VPS33A: variants seen among roughly 807,000 people sequenced by gnomAD.
The protein encoded by VPS33A is VPS33A core subunit of CORVET and HOPS complexes.
In VPS33A, 32 loss-of-function variants were observed where a neutral mutation model predicts 71.8. The ratio of observed to expected loss-of-function variants is 0.45; its 90% CI spans 0.34 to 0.60. The LOEUF (loss-of-function observed/expected upper bound fraction) is 0.60, where lower values mean the gene tolerates loss of function less well. Among genes scored for constraint, VPS33A ranks in the 20% least tolerant of loss-of-function variants. VPS33A has a pLI of 0.02. For synonymous variants in VPS33A, 311 were observed against 292.7 expected, an observed-to-expected ratio of 1.06 and a Z score of -0.64; for missense variants, 625 against 748.5, an observed-to-expected ratio of 0.84 and a Z score of 1.92.
intron 10 of VPS33A, among the ~76,000 whole-genome samples, chr12:122,236,683 T>C (rs1223671881): frequency 6.6e-6 from 1 of 152,230 alleles, no homozygotes; most frequent in Non-Finnish European, 1.5e-5. Flanking sequence ...AAATACTTTC[T>C]ATGAGCTGGG....
chr12:122,240,754 T>G (rs2136128635), intron 8 of VPS33A, among the ~76,000 whole-genome samples: 1 of 152,366 alleles, frequency 6.6e-6, no homozygotes, highest in Non-Finnish European at 1.5e-5. Flanking sequence ...TTCTGAGCTC[T>G]TTCAAAATAC....
At chr12:122,247,949 T>G (rs1049012245) in intron 6 of VPS33A, 1 of 152,102 alleles carries the variant, frequency 6.6e-6, no homozygotes, top group Admixed American at 6.6e-5. Flanking sequence ...CGGGCTGGAG[T>G]GCAGCCGTGC....
chr12:122,242,300 T>C (rs536168421), intron 8 of VPS33A, 82 bp downstream of exon 8: 15 of 1,531,322 alleles, frequency 9.8e-6, no homozygotes, highest in East Asian at 2.3e-5. Context: ...CGAAGAGGCA[T>C]TGTGGTGTTG....
intron 11 of VPS33A, among the ~76,000 whole-genome samples, chr12:122,234,817 T>C (rs143138880): frequency 2.8e-4 from 42 of 152,160 alleles, no homozygotes; most frequent in Non-Finnish European, 5.1e-4. Context: ...CTGCTGGAGG[T>C]TGACCATACC....
In VPS33A at chr12:122,238,747, ATACATATACATT is replaced by A. The variant is rs781128022; in HGVS notation, c.1165-35_1165-24del. The A allele has an allele frequency of 5.0e-6, 8 of 1,600,034 alleles. No individual in the cohort carries two copies. The Admixed American group carries it at 5.1e-5, about 10-fold the overall frequency. On this transcript the variant is annotated intron_variant, in intron 9 of 12. Coordinates refer to ENST00000267199, the MANE Select transcript of VPS33A (RefSeq NM_022916.6). ...GACCTGGAAATAAAGTAGCATACATATACATATACATTTACATATACATACACACACACACAC... is the reference window on the plus strand; with the variant it reads ...GACCTGGAAATAAAGTAGCATACATATACATATACATACACACACACACAC...
intron 4 of VPS33A, among the ~76,000 whole-genome samples, chr12:122,256,328 G>C (rs1420346860): frequency 6.6e-6 from 1 of 151,822 alleles, no homozygotes; most frequent in Non-Finnish European, 1.5e-5. Context: ...AGTCCCAGCA[G>C]TTTGGGAGGC....
chr12:122,240,269 A>G (rs1954695823), intron 8 of VPS33A, among the ~76,000 whole-genome samples: 2 of 152,156 alleles, frequency 1.3e-5, no homozygotes, highest in African/African-American at 4.8e-5. Context: ...CGGAGGTTAC[A>G]GTGAGCCAAG....
intron 8 of VPS33A, 44 bp from the exon 9 acceptor site, chr12:122,239,989 A>C (rs766498652): frequency 1.4e-6 from 2 of 1,435,076 alleles, no homozygotes; most frequent in African/African-American, 1.4e-5. Context: ...ATTAAATGTT[A>C]ATTTACTTGA....
Position 122,231,939 on chromosome 12 carries a change from C to A in VPS33A, c.*307G>T, listed in dbSNP as rs1228427241. ...GGGTGTGGTGGTGCATGCCTGTAGTCCCAGCTACTCAGGAGGCTGAGGCAG... is the reference window on the plus strand; with the variant it reads ...GGGTGTGGTGGTGCATGCCTGTAGTACCAGCTACTCAGGAGGCTGAGGCAG... On this transcript the variant is annotated 3_prime_UTR_variant, in exon 13 of 13. Coordinates refer to ENST00000267199, the MANE Select transcript of VPS33A (RefSeq NM_022916.6). The A allele has an allele frequency of 2.5e-6, 1 of 397,654 alleles. No individual in the cohort carries two copies. The highest frequency in any genetic ancestry group is 4.4e-6 in the Non-Finnish European group (1 of 226,432). 24.6% of individuals were successfully genotyped at this position (397,654 alleles called of 1,614,324 possible).
intron 4 of VPS33A, among the ~76,000 whole-genome samples, chr12:122,258,539 T>C (rs1284396409): frequency 6.6e-6 from 1 of 152,026 alleles, no homozygotes; most frequent in Non-Finnish European, 1.5e-5. Flanking sequence ...ATTTTAAAAA[T>C]GGGCAAGTGA....
intron 4 of VPS33A, among the ~76,000 whole-genome samples, chr12:122,254,298 C>A (rs1260173771): frequency 6.6e-6 from 1 of 152,100 alleles, no homozygotes; most frequent in Non-Finnish European, 1.5e-5. Flanking sequence ...TCGGGGCTGA[C>A]TTTAACATTA....
rs532520517 is a variant in VPS33A, at chr12:122,260,419, C to T, written c.483+842G>A. 5.3e-5 allele frequency among the ~76,000 whole-genome samples: 8 copies of T among 152,094 alleles called. No individual in the cohort carries two copies. The South Asian group carries it at 1.7e-3, about 32-fold the overall frequency. On this transcript the variant is annotated intron_variant, in intron 4 of 12. Coordinates refer to ENST00000267199, the MANE Select transcript of VPS33A (RefSeq NM_022916.6). ...GGTTCAAGTGATTCTCCTGCCTCAGCCTCCTGAATAGCTGGGACCACAGGG... is the reference window on the plus strand; with the variant it reads ...GGTTCAAGTGATTCTCCTGCCTCAGTCTCCTGAATAGCTGGGACCACAGGG...
At chr12:122,243,007 C>A (rs1179785615) in intron 7 of VPS33A, among the ~76,000 whole-genome samples, 1 of 152,088 alleles carries the variant, frequency 6.6e-6, no homozygotes, top group Non-Finnish European at 1.5e-5. Context: ...GGTCATGGTG[C>A]CTGTCTCCTG....
intron 7 of VPS33A, among the ~76,000 whole-genome samples, chr12:122,242,834 G>A (rs1283862125): frequency 1.3e-5 from 2 of 152,154 alleles, no homozygotes; most frequent in Admixed American, 1.3e-4. Flanking sequence ...GATTACAGGC[G>A]TGAGCCACCA....
rs373143895 is a variant in VPS33A, at chr12:122,235,853, C to G, written c.1373G>C (p.Gly458Ala). ...EKAGLLKPQTGGRNNYPTIRK... is the reference protein window; with the variant it reads ...EKAGLLKPQTAGRNNYPTIRK... The stretch of plus-strand genomic sequence containing the variant: ...TATAGTTGGGTAATTGTTTCTGCCC[C>G]CCGTCTGCGGTTTCAGCAGGCCGGC... Residue 458 changes from glycine to alanine, a missense_variant, in exon 11 of 13, where the codon GGG (glycine) becomes GCG (alanine). Physicochemically the swap from Gly to Ala is moderately conservative, Grantham distance 60 (BLOSUM62 0). Coordinates refer to ENST00000267199, the MANE Select transcript of VPS33A (RefSeq NM_022916.6). 105 of 1,613,704 alleles carry G rather than the reference C, an allele frequency of 6.5e-5. No homozygotes were observed. The highest frequency in any genetic ancestry group is 1.5e-4 in the African/African-American group (11 of 74,980).
chr12:122,253,005 A>AG (rs1190603681), intron 4 of VPS33A: 7 of 151,960 alleles, frequency 4.6e-5, no homozygotes, highest in African/African-American at 1.7e-4. Flanking sequence ...GCCAGAACTG[A>AG]GGGGGCCCTG....
chr12:122,238,625 G>C lies in VPS33A; in HGVS notation c.1264C>G (p.Gln422Glu), dbSNP rs749700448. 52 of 1,611,468 alleles carry C rather than the reference G, an allele frequency of 3.2e-5. No individual in the cohort carries two copies. The highest frequency in any genetic ancestry group is 4.3e-5 in the Non-Finnish European group (51 of 1,179,364). The change falls in exon 10 of 13, where the codon CAA (glutamine) becomes GAA (glutamate). Residue 422 changes from glutamine to glutamate, a missense_variant. Coordinates refer to ENST00000267199, the MANE Select transcript of VPS33A (RefSeq NM_022916.6). ...LQSVCNSGLK[Q>E]KVLDYYKREI... ...CTTTTGTAATAATCCAAAACTTTTT[G>C]TTTGAGCCCACTATTACACACGGAT...
intron 3 of VPS33A, among the ~76,000 whole-genome samples, chr12:122,261,950 C>T (rs891910392): frequency 1.3e-5 from 2 of 151,176 alleles, no homozygotes; most frequent in Non-Finnish European, 2.9e-5. Flanking sequence ...TGCAGTGAGC[C>T]GAGACCACGC....
chr12:122,255,521 T>C (rs1402026179), intron 4 of VPS33A, among the ~76,000 whole-genome samples: 1 of 151,970 alleles, frequency 6.6e-6, no homozygotes, highest in African/African-American at 2.4e-5. Context: ...CTGGCCAACA[T>C]GGTGAAACCC....
Sources: allele counts gnomAD v4.1 joint callset (sites outside exome capture counted in the v4.1 genomes callset), GRCh38; gene constraint gnomAD v4.1.1; transcripts MANE v1.5; gene names NCBI Gene and HGNC (gene_info 2026-07-23, HGNC 2026-07-21).